Variants in ACTR2 observed in about 807,000 individuals in gnomAD.
ACTR2 encodes actin related protein 2, also known as actin-related protein 2.
A neutral mutation model predicts 50.2 loss-of-function variants in ACTR2; 5 were observed. The ratio of observed to expected loss-of-function variants is 0.10; its 90% CI spans 0.05 to 0.21. The LOEUF (loss-of-function observed/expected upper bound fraction) is 0.21, where lower values mean the gene tolerates loss of function less well. Ranked by LOEUF, ACTR2 falls within the 10% of genes least tolerant of loss-of-function variation. The pLI is 1.00. For synonymous variants in ACTR2, 140 were observed against 162.9 expected (o/e 0.86, Z 1.07); for missense variants, 180 against 480.6 (o/e 0.37, Z 5.85).
At chr2:65,228,718 T>G (rs937853635) in intron 1 of ACTR2, among the ~76,000 whole-genome samples, 1 of 152,142 alleles carries the variant, frequency 6.6e-6, no homozygotes, top group Admixed American at 6.5e-5. Flanking sequence ...CAGCCCCCTT[T>G]TTTCCCTTCG....
intron 2 of ACTR2, among the ~76,000 whole-genome samples, chr2:65,242,395 T>C (rs1671855654): frequency 6.6e-6 from 1 of 152,168 alleles, no homozygotes; most frequent in African/African-American, 2.4e-5. Context: ...ATATAGGATA[T>C]GTGTGATCCA....
chr2:65,267,178 G>T (rs974525736), intron 8 of ACTR2, among the ~76,000 whole-genome samples: 3 of 151,826 alleles, frequency 2.0e-5, no homozygotes, highest in South Asian at 2.1e-4. Context: ...TGGTTTGTTT[G>T]TTTTTTTTAA....
At chr2:65,263,059 T>G (rs1672303056) in intron 7 of ACTR2, among the ~76,000 whole-genome samples, 1 of 151,326 alleles carries the variant, frequency 6.6e-6, no homozygotes, top group African/African-American at 2.4e-5. Context: ...TTTGTTTGTT[T>G]GAGATAGAGT....
chr2:65,250,866 C>A (rs766316593), intron 3 of ACTR2, among the ~76,000 whole-genome samples, 161 bp from the exon 4 acceptor site: 1 of 152,008 alleles, frequency 6.6e-6, no homozygotes, highest in South Asian at 2.1e-4. Context: ...GGCAGCAGGA[C>A]TTCAATAAGA....
chr2:65,237,034 C>A (rs114326862), intron 1 of ACTR2, among the ~76,000 whole-genome samples: 2,032 of 152,180 alleles, frequency 0.013, 42 homozygotes, highest in African/African-American at 0.046. Context: ...AAGTCAACAG[C>A]AAAACTTTTA....
chr2:65,254,871 C>G (rs1259721282), intron 5 of ACTR2, among the ~76,000 whole-genome samples: 1 of 151,872 alleles, frequency 6.6e-6, no homozygotes, highest in Non-Finnish European at 1.5e-5. Context: ...CATTTTAGGC[C>G]AAAATTCAAA....
chr2:65,246,476 T>TA, intron 2 of ACTR2, 48 bp from the exon 3 acceptor site: 1 of 1,320,110 alleles, frequency 7.6e-7, no homozygotes, highest in Non-Finnish European at 1.0e-6. Context: ...CAAGTTTTCT[T>TA]AAATATTATG....
At chr2:65,237,311 G>A (rs1019922570) in intron 1 of ACTR2, among the ~76,000 whole-genome samples, 28 of 152,008 alleles carry the variant, frequency 1.8e-4, no homozygotes, top group African/African-American at 6.5e-4. Context: ...CATGATCACG[G>A]CAGCCTTAAC....
At chr2:65,262,874 G>A (rs548319029) in intron 7 of ACTR2, among the ~76,000 whole-genome samples, 8 of 152,056 alleles carry the variant, frequency 5.3e-5, no homozygotes, top group African/African-American at 1.7e-4. Flanking sequence ...GCTGAAGTGG[G>A]AGGATTGCTT....
intron 1 of ACTR2, among the ~76,000 whole-genome samples, chr2:65,237,016 A>G (rs1331503011): frequency 6.6e-6 from 1 of 152,204 alleles, no homozygotes; most frequent in Admixed American, 6.5e-5. Flanking sequence ...TCATGGTATC[A>G]TACTGTTAAG....
intron 3 of ACTR2, among the ~76,000 whole-genome samples, chr2:65,249,727 A>T (rs1672008393): frequency 6.6e-6 from 1 of 152,128 alleles, no homozygotes; most frequent in South Asian, 2.1e-4. Flanking sequence ...GGATGTTCCC[A>T]GCTGACCTGG....
At chr2:65,255,095 G>A (rs372889003) in intron 5 of ACTR2, among the ~76,000 whole-genome samples, 1 of 151,978 alleles carries the variant, frequency 6.6e-6, no homozygotes, top group Non-Finnish European at 1.5e-5. Flanking sequence ...AAATGCTATT[G>A]TCCTTCTAAT....
chr2:65,253,593 C>A, intron 4 of ACTR2, 135 bp from the exon 5 acceptor site: 1 of 879,634 alleles, frequency 1.1e-6, no homozygotes, highest in Non-Finnish European at 1.8e-6. Flanking sequence ...AAACAAACTG[C>A]AAAATAACTA....
At chr2:65,264,905 A>G (rs1672343683) in intron 7 of ACTR2, 138 bp from the exon 8 acceptor site, 1 of 936,644 alleles carries the variant, frequency 1.1e-6, no homozygotes, top group African/African-American at 1.7e-5. Flanking sequence ...ATAACAGCAA[A>G]TATTCAGCCC....
chr2:65,244,522 G>A (rs1206155188), intron 2 of ACTR2, among the ~76,000 whole-genome samples: 1 of 152,094 alleles, frequency 6.6e-6, no homozygotes, highest in Non-Finnish European at 1.5e-5. Flanking sequence ...ATTCATCAGT[G>A]CATCTTGTTT....
chr2:65,235,319 AACT>A (rs1671719839), intron 1 of ACTR2, among the ~76,000 whole-genome samples: 2 of 152,316 alleles, frequency 1.3e-5, no homozygotes, highest in African/African-American at 4.8e-5. Flanking sequence ...AGAAAAAATG[AACT>A]ACTACTCCTG....
intron 8 of ACTR2, among the ~76,000 whole-genome samples, chr2:65,267,877 T>C (rs1309446132): frequency 1.5e-5 from 2 of 134,026 alleles, no homozygotes; most frequent in Non-Finnish European, 3.2e-5. Flanking sequence ...TTTTTTTTTT[T>C]TTTTTTTTTT....
chr2:65,238,523 G>T (rs1671780730), intron 1 of ACTR2, among the ~76,000 whole-genome samples: 1 of 151,940 alleles, frequency 6.6e-6, no homozygotes, highest in Non-Finnish European at 1.5e-5. Flanking sequence ...GCTGGGTATG[G>T]TGGTGGGCGC....
chr2:65,255,443 CTGTT>C (rs1331506248), intron 5 of ACTR2, 98 bp from the exon 6 acceptor site: 8 of 1,004,230 alleles, frequency 8.0e-6, no homozygotes, highest in South Asian at 7.2e-5. Context: ...ACTGCCCATT[CTGTT>C]TGTTATTGAT....
Sources: allele counts gnomAD v4.1 joint callset (sites outside exome capture counted in the v4.1 genomes callset), GRCh38; gene constraint gnomAD v4.1.1; transcripts MANE v1.5; gene names NCBI Gene and HGNC (gene_info 2026-07-23, HGNC 2026-07-21).